SNCAIP: variants seen among roughly 807,000 people sequenced by gnomAD.
SNCAIP encodes synphilin-1.
SNCAIP carries 43 observed loss-of-function variants against 86.7 expected under a neutral mutation model. That is an observed-to-expected ratio of 0.50 (90% confidence interval 0.39 to 0.64). The LOEUF (loss-of-function observed/expected upper bound fraction) is 0.64. SNCAIP is among the 30% of genes least tolerant of loss of function. The probability of loss-of-function intolerance (pLI) is 0.00; values close to 1 mark genes in which losing one functional copy is unlikely to be tolerated. For synonymous variants in SNCAIP, 417 were observed against 427.2 expected (o/e 0.98, Z 0.29); for missense variants, 981 against 1,103.1 (o/e 0.89, Z 1.57).
chr5:122,445,357 A>G (rs902037105), intron 8 of SNCAIP, among the ~76,000 whole-genome samples: 1 of 152,146 alleles, frequency 6.6e-6, no homozygotes, highest in Admixed American at 6.5e-5. Flanking sequence ...GTACCAGTGC[A>G]TGTCTGGGTG....
chr5:122,335,982 G>A (rs1391543835), intron 1 of SNCAIP, among the ~76,000 whole-genome samples: 1 of 152,174 alleles, frequency 6.6e-6, no homozygotes, highest in East Asian at 1.9e-4. Flanking sequence ...GTAGCTGACT[G>A]AAATATTTTG....
intron 3 of SNCAIP, among the ~76,000 whole-genome samples, chr5:122,412,418 A>G (rs1774335317): frequency 6.6e-6 from 1 of 152,158 alleles, no homozygotes. Flanking sequence ...TTGACCTGTC[A>G]GCATTAGTTG....
At chr5:122,453,550 C>A (rs1784133065) in intron 10 of SNCAIP, among the ~76,000 whole-genome samples, 1 of 152,118 alleles carries the variant, frequency 6.6e-6, no homozygotes, top group Non-Finnish European at 1.5e-5. Flanking sequence ...AAAACAAGGG[C>A]CTTTCTCAAA....
intron 1 of SNCAIP, among the ~76,000 whole-genome samples, chr5:122,383,207 G>C (rs955184854): frequency 3.3e-5 from 5 of 152,226 alleles, no homozygotes; most frequent in African/African-American, 1.2e-4. Flanking sequence ...CGTGGGCGTA[G>C]GACCCTCCGA....
In SNCAIP at chr5:122,332,051, T is replaced by C. The variant is rs571512882; in HGVS notation, c.-47+19767T>C. Reference sequence around the variant, plus strand: ...GTGTTTTTTTGTAAACAGTGTTGGCTGATTAGAATGTGATACTTGTTGACT... The same window carrying C: ...GTGTTTTTTTGTAAACAGTGTTGGCCGATTAGAATGTGATACTTGTTGACT... On this transcript the variant is annotated intron_variant, in intron 1 of 10. Transcript: ENST00000261368. 5.3e-5 allele frequency among the ~76,000 whole-genome samples: 8 copies of C among 152,332 alleles called. No individual in the cohort carries two copies. The South Asian group carries it at 1.0e-3, about 20-fold the overall frequency.
At chr5:122,333,928 T>C (rs1378994795) in intron 1 of SNCAIP, among the ~76,000 whole-genome samples, 1 of 151,964 alleles carries the variant, frequency 6.6e-6, no homozygotes, top group Non-Finnish European at 1.5e-5. Context: ...AAGCCAGAAA[T>C]TGTGGGGAAA....
chr5:122,373,855 G>A (rs561999257), intron 1 of SNCAIP, among the ~76,000 whole-genome samples: 4 of 152,306 alleles, frequency 2.6e-5, no homozygotes, highest in Admixed American at 1.3e-4. Context: ...CCCCTTGGGT[G>A]TAAATCCAAG....
chr5:122,318,166 T>G (rs1017662262), intron 1 of SNCAIP, among the ~76,000 whole-genome samples: 3 of 152,054 alleles, frequency 2.0e-5, no homozygotes, highest in Non-Finnish European at 4.4e-5. Context: ...CAGCAACGCC[T>G]TCTTCTAGCT....
At chr5:122,342,098 C>G (rs923855130) in intron 1 of SNCAIP, among the ~76,000 whole-genome samples, 3 of 152,050 alleles carry the variant, frequency 2.0e-5, no homozygotes, top group Admixed American at 1.3e-4. Flanking sequence ...CATCAGCTGC[C>G]CATTCTCTCA....
At chr5:122,375,845 G>A (rs1765201498) in intron 1 of SNCAIP, among the ~76,000 whole-genome samples, 1 of 152,056 alleles carries the variant, frequency 6.6e-6, no homozygotes, top group Admixed American at 6.6e-5. Flanking sequence ...AATCAAAAGG[G>A]CACTAGGCAT....
chr5:122,407,951 A>G (rs1773347144), intron 3 of SNCAIP, among the ~76,000 whole-genome samples: 1 of 152,162 alleles, frequency 6.6e-6, no homozygotes, highest in Non-Finnish European at 1.5e-5. Flanking sequence ...GTGTTCGTTG[A>G]ATTTCCACTC....
chr5:122,432,476 A>G (rs79850712), intron 6 of SNCAIP, among the ~76,000 whole-genome samples: 6,028 of 152,250 alleles, frequency 0.04, 215 homozygotes, highest in East Asian at 0.093. Flanking sequence ...GTTATCACTC[A>G]GAGTAGCAGT....
intron 1 of SNCAIP, among the ~76,000 whole-genome samples, chr5:122,345,922 G>A (rs1010065190): frequency 6.6e-6 from 1 of 151,898 alleles, no homozygotes; most frequent in Non-Finnish European, 1.5e-5. Context: ...CAAAGTGTTG[G>A]GATTACAGTT....
chr5:122,441,661 A>G lies in SNCAIP; in HGVS notation c.1422+907A>G, dbSNP rs370364608. Among the ~76,000 whole-genome samples, 52 of 152,338 alleles carry G rather than the reference A, an allele frequency of 3.4e-4. 2 individuals carry two copies. In the South Asian group the frequency reaches 0.01, roughly 30 times the overall value. On this transcript the variant is annotated intron_variant, in intron 7 of 10. Coordinates refer to ENST00000261368, the MANE Select transcript of SNCAIP (RefSeq NM_005460.4). ...AAGTAGTGCATGGCAGGAAAGCCCAACAAAGGTCTCCAGGAGTCTGGAGTA... is the reference window on the plus strand; with the variant it reads ...AAGTAGTGCATGGCAGGAAAGCCCAGCAAAGGTCTCCAGGAGTCTGGAGTA...
intron 1 of SNCAIP, among the ~76,000 whole-genome samples, chr5:122,336,192 AAGAG>A (rs1230638625): frequency 1.3e-5 from 2 of 149,446 alleles, no homozygotes; most frequent in African/African-American, 2.6e-5. Flanking sequence ...GAGAGAGAGA[AAGAG>A]AGAGAGAGTG....
At chr5:122,377,494 CA>C (rs1765586101) in intron 1 of SNCAIP, among the ~76,000 whole-genome samples, 11 of 149,172 alleles carry the variant, frequency 7.4e-5, no homozygotes, top group African/African-American at 2.7e-4. Context: ...GGGAGACAGA[CA>C]GAGAGAGAGA....
chr5:122,375,319 C>A (rs1765065265), intron 1 of SNCAIP, among the ~76,000 whole-genome samples: 3 of 152,052 alleles, frequency 2.0e-5, no homozygotes, highest in Admixed American at 2.0e-4. Context: ...CATTATAATT[C>A]TAATTAAAAA....
At chr5:122,406,142 T>TCCCCTCTGAA (rs1772924593) in intron 3 of SNCAIP, among the ~76,000 whole-genome samples, 1 of 152,156 alleles carries the variant, frequency 6.6e-6, no homozygotes, top group South Asian at 2.1e-4. Context: ...AGCATCACTG[T>TCCCCTCTGAA]AGAATTATCC....
intron 1 of SNCAIP, among the ~76,000 whole-genome samples, chr5:122,358,203 G>GTATATA (rs1214552209): frequency 2.1e-3 from 274 of 130,368 alleles, no homozygotes; most frequent in Non-Finnish European, 2.8e-3. Context: ...GTGTGTGTGT[G>GTATATA]TATATATATA....
Sources: allele counts gnomAD v4.1 joint callset (sites outside exome capture counted in the v4.1 genomes callset), GRCh38; gene constraint gnomAD v4.1.1; transcripts MANE v1.5; gene names NCBI Gene and HGNC (gene_info 2026-07-23, HGNC 2026-07-21).